The following BARX2 variants were observed in gnomAD, a reference collection of about 807,000 sequenced individuals.
BARX2 encodes BARX homeobox 2.
Under a neutral mutation model 25.5 loss-of-function variants are expected in BARX2, and 11 were observed. The ratio of observed to expected loss-of-function variants is 0.43; its 90% CI spans 0.27 to 0.71. The LOEUF (loss-of-function observed/expected upper bound fraction) is 0.71, where lower values mean the gene tolerates loss of function less well. BARX2 is among the 30% of genes least tolerant of loss of function. BARX2 has a pLI of 0.19. For missense variants in BARX2, 360 were observed against 359.9 expected (o/e 1.00, Z 0.00); for synonymous variants, 137 against 149.5 (o/e 0.92, Z 0.61).
intron 2 of BARX2, among the ~76,000 whole-genome samples, chr11:129,440,037 A>G (rs1862238354): frequency 6.6e-6 from 1 of 152,132 alleles, no homozygotes; most frequent in South Asian, 2.1e-4. Context: ...ATTGGCTGGC[A>G]TGGAAGCTGC....
At chr11:129,389,770 TGAGA>T (rs1861649197) in intron 1 of BARX2, among the ~76,000 whole-genome samples, 1 of 151,620 alleles carries the variant, frequency 6.6e-6, no homozygotes, top group South Asian at 2.1e-4. Context: ...TTTCGAGCAC[TGAGA>T]GAGGAAAATA....
In BARX2 at chr11:129,436,263, G is replaced by T. The variant is rs1468030072; in HGVS notation, c.188-488G>T. 1 of 155,072 alleles carries T rather than the reference G, an allele frequency of 6.4e-6. No individual in the cohort carries two copies. The highest frequency in any genetic ancestry group is 1.4e-5 in the Non-Finnish European group (1 of 70,146). The allele number at this position is 155,072 out of a possible 1,614,324, so 9.6% of individuals were successfully genotyped here. ...AAATAATCCGAAAGCATCCTGTCAA[G>T]CTCTGAAAAATGCTATGCTTCAAGG... On this transcript the variant is annotated intron_variant, in intron 1 of 3. Coordinates refer to ENST00000281437, the MANE Select transcript of BARX2 (RefSeq NM_003658.5). This position sits in a 1 kb window ranked among gnomAD's most constrained non-coding sequence, Gnocchi z 4.5.
intron 1 of BARX2, among the ~76,000 whole-genome samples, chr11:129,433,682 C>G (rs1463344406): frequency 6.6e-6 from 1 of 152,116 alleles, no homozygotes; most frequent in Non-Finnish European, 1.5e-5. Flanking sequence ...CCAGGCTCTC[C>G]TCTGCGTGGG....
At chr11:129,437,081 G>T in intron 2 of BARX2, 30 bp downstream of exon 2, 1 of 1,510,326 alleles carries the variant, frequency 6.6e-7, no homozygotes, top group Non-Finnish European at 8.9e-7. Flanking sequence ...ACTCTCCGCA[G>T]TGAAGGCCCC....
At chr11:129,448,507 AG>A (rs1050618027) in intron 3 of BARX2, among the ~76,000 whole-genome samples, 1 of 152,230 alleles carries the variant, frequency 6.6e-6, no homozygotes, top group African/African-American at 2.4e-5. Context: ...CTAGCCAATA[AG>A]CACTATGAAA....
intron 1 of BARX2, among the ~76,000 whole-genome samples, chr11:129,387,719 CT>C (rs1555133572): frequency 2.6e-5 from 4 of 152,004 alleles, no homozygotes; most frequent in Non-Finnish European, 4.4e-5. Context: ...GGAGTGCTTG[CT>C]TTTTTTTCTA....
At chr11:129,404,210 G>C (rs765368553) in intron 1 of BARX2, among the ~76,000 whole-genome samples, 35 of 152,176 alleles carry the variant, frequency 2.3e-4, no homozygotes, top group Non-Finnish European at 4.3e-4. Context: ...GAATGACGTT[G>C]CCACGTCCTG....
At chr11:129,409,864 T>G (rs1861868919) in intron 1 of BARX2, among the ~76,000 whole-genome samples, 1 of 152,200 alleles carries the variant, frequency 6.6e-6, no homozygotes, top group Admixed American at 6.5e-5. Context: ...ATTTATAATT[T>G]CCTCCATTAT....
intron 1 of BARX2, among the ~76,000 whole-genome samples, chr11:129,392,957 T>C (rs572747703): frequency 3.9e-5 from 6 of 152,112 alleles, no homozygotes; most frequent in Non-Finnish European, 7.4e-5. Context: ...ACTATTATTA[T>C]TCTCATTTGA....
At chr11:129,421,826 C>T (rs1862007283) in intron 1 of BARX2, among the ~76,000 whole-genome samples, 2 of 152,156 alleles carry the variant, frequency 1.3e-5, no homozygotes, top group African/African-American at 4.8e-5. Context: ...ATTTTCTCTA[C>T]TCCTCAGGTT....
intron 1 of BARX2, among the ~76,000 whole-genome samples, chr11:129,416,290 G>C (rs1008382142): frequency 2.6e-5 from 4 of 152,178 alleles, no homozygotes; most frequent in African/African-American, 9.7e-5. Flanking sequence ...TTGTTGAGGA[G>C]TGAGGAGGGT....
At chr11:129,381,083 G>T (rs1473432195) in intron 1 of BARX2, among the ~76,000 whole-genome samples, 1 of 152,126 alleles carries the variant, frequency 6.6e-6, no homozygotes, top group Non-Finnish European at 1.5e-5. Context: ...TGTGAAGTCG[G>T]TTTTAACTCA....
rs1047616395 is a variant in BARX2 at position 129,394,019 on chromosome 11, G to A, written c.187+17797G>A. 5.9e-5 allele frequency among the ~76,000 whole-genome samples: 9 copies of A among 151,832 alleles called. No individual in the cohort carries two copies. The East Asian group carries it at 9.9e-4, about 17-fold the overall frequency. On this transcript the variant is annotated intron_variant, in intron 1 of 3. Transcript: ENST00000281437. Reference sequence around the variant, plus strand: ...GGTTCCCCTCCCTGATGCTGTCTGCGTCTCTCCCCCATTAGAGGTCACCAG... The same window carrying A: ...GGTTCCCCTCCCTGATGCTGTCTGCATCTCTCCCCCATTAGAGGTCACCAG...
chr11:129,429,010 T>G lies in BARX2; in HGVS notation c.188-7741T>G, dbSNP rs556744598. On this transcript the variant is annotated intron_variant, in intron 1 of 3. Coordinates refer to ENST00000281437, the MANE Select transcript of BARX2 (RefSeq NM_003658.5). ...ACTATTATTTATTAGAAGTTGTGTT[T>G]TTTTTTTTTTTTCATGAAGATTTTT... Among the ~76,000 whole-genome samples the G allele has an allele frequency of 9.8e-4, 142 of 145,040 alleles. 1 individual carries two copies. Among genetic ancestry groups the G allele is most frequent in the Non-Finnish European group, 1.7e-3 (114 of 66,728 alleles).
rs1861654335 is a variant in BARX2, at chr11:129,390,291, G to T, written c.187+14069G>T. ...CAAGTGGGATAAGACAGGTGGATGT[G>T]TCATCACCACTGAGACGGAGTGGCA... On this transcript the variant is annotated intron_variant, in intron 1 of 3. Transcript: ENST00000281437. This position sits in a 1 kb window ranked among gnomAD's most constrained non-coding sequence, Gnocchi z 4.3. Among the ~76,000 whole-genome samples, 1 of 152,146 alleles carries T rather than the reference G, an allele frequency of 6.6e-6. No individual in the cohort carries two copies. The highest frequency in any genetic ancestry group is 2.4e-5 in the African/African-American group (1 of 41,442).
chr11:129,449,864 G>C (rs1345486106), intron 3 of BARX2, among the ~76,000 whole-genome samples: 1 of 152,192 alleles, frequency 6.6e-6, no homozygotes, highest in East Asian at 1.9e-4. Flanking sequence ...CAGAACAGTA[G>C]AGGCTGCTCC....
intron 1 of BARX2, among the ~76,000 whole-genome samples, chr11:129,386,888 C>T (rs971883021): frequency 1.3e-5 from 2 of 152,188 alleles, no homozygotes; most frequent in Non-Finnish European, 2.9e-5. Context: ...TCTGCCTAAA[C>T]AAATACATAG....
intron 1 of BARX2, among the ~76,000 whole-genome samples, chr11:129,382,766 C>T (rs1427841596): frequency 2.0e-5 from 3 of 152,160 alleles, no homozygotes; most frequent in African/African-American, 7.2e-5. Flanking sequence ...GGGACGCACT[C>T]ACAGCTGGAT....
chr11:129,399,067 G>T (rs2135391983), intron 1 of BARX2, among the ~76,000 whole-genome samples: 1 of 152,344 alleles, frequency 6.6e-6, no homozygotes, highest in South Asian at 2.1e-4. Context: ...TTTTCTCAAT[G>T]TTCAAGGAAC....
Sources: gnomAD v4.1 joint callset for allele counts (sites outside exome capture counted in the v4.1 genomes callset) on GRCh38, gnomAD v4.1.1 for gene constraint, Gnocchi (gnomAD v3.1) non-coding constraint, MANE v1.5 for transcripts, NCBI Gene and HGNC (gene_info 2026-07-23, HGNC 2026-07-21) for gene names.